RBFOX1: variants seen among roughly 807,000 people sequenced by gnomAD.
RBFOX1 encodes RNA binding protein fox-1 homolog 1.
A neutral mutation model predicts 57.7 loss-of-function variants in RBFOX1; 8 were observed. That is an observed-to-expected ratio of 0.14 (90% CI 0.08 to 0.25). RBFOX1 has a LOEUF of 0.25. RBFOX1 is among the 10% of genes least tolerant of loss of function. RBFOX1 has a pLI of 1.00. For missense variants in RBFOX1, 611 were observed against 548.5 expected, an observed-to-expected ratio of 1.11 and a Z score of -1.14; for synonymous variants, 326 against 222.4, an observed-to-expected ratio of 1.47 and a Z score of -4.15.
At chr16:7,672,982 T>C (rs1035433088) in intron 13 of RBFOX1, among the ~76,000 whole-genome samples, 5 of 151,696 alleles carry the variant, frequency 3.3e-5, no homozygotes, top group Admixed American at 1.3e-4. Context: ...TATGTGTATA[T>C]ACCAGCACAC....
chr16:6,530,754 TC>T (rs1397879853), intron 2 of RBFOX1, among the ~76,000 whole-genome samples: 8 of 150,736 alleles, frequency 5.3e-5, no homozygotes, highest in Non-Finnish European at 1.0e-4. Flanking sequence ...AACCGTCCCT[TC>T]CCCACCCCCA....
intron 5 of RBFOX1, among the ~76,000 whole-genome samples, chr16:7,533,304 A>G (rs1362559422): frequency 1.3e-5 from 2 of 152,222 alleles, no homozygotes; most frequent in African/African-American, 2.4e-5. Flanking sequence ...AAAATGAAAA[A>G]TGTGTTTGTG....
intron 3 of RBFOX1, among the ~76,000 whole-genome samples, chr16:5,832,454 A>C (rs996881950): frequency 6.6e-6 from 1 of 152,242 alleles, no homozygotes; most frequent in African/African-American, 2.4e-5. Context: ...CTTAGTTTCC[A>C]CAACATACAA....
At chr16:5,387,687 T>C (rs542521889) in intron 1 of RBFOX1, among the ~76,000 whole-genome samples, 108 of 152,316 alleles carry the variant, frequency 7.1e-4, no homozygotes, top group Non-Finnish European at 1.4e-3. Flanking sequence ...AAAGGTGGAA[T>C]GTTTCCCCGA....
chr16:5,820,945 C>T (rs190206767), intron 3 of RBFOX1, among the ~76,000 whole-genome samples: 5 of 152,302 alleles, frequency 3.3e-5, no homozygotes, highest in African/African-American at 7.2e-5. Flanking sequence ...GATCCCTCAT[C>T]ACAGTGCCCT....
chr16:6,242,379 A>T (rs999642299), intron 1 of RBFOX1, among the ~76,000 whole-genome samples: 13 of 151,818 alleles, frequency 8.6e-5, no homozygotes, highest in Middle Eastern at 3.4e-3. Context: ...TCTTTTTTTT[A>T]AAAAAAGTCT....
intron 1 of RBFOX1, among the ~76,000 whole-genome samples, chr16:6,156,890 A>C (rs2096842148): frequency 6.6e-6 from 1 of 152,158 alleles, no homozygotes; most frequent in Admixed American, 6.5e-5. Flanking sequence ...CCCAGACTGG[A>C]TGGCAGGGGC....
intron 4 of RBFOX1, among the ~76,000 whole-genome samples, chr16:7,122,960 G>A (rs1244995005): frequency 6.6e-6 from 1 of 152,022 alleles, no homozygotes. Context: ...CGATGACATA[G>A]TGTATAAATC....
intron 1 of RBFOX1, among the ~76,000 whole-genome samples, chr16:6,125,812 T>G (rs2096585455): frequency 6.6e-6 from 1 of 152,156 alleles, no homozygotes; most frequent in South Asian, 2.1e-4. Flanking sequence ...TGGTAGGCTA[T>G]TTTCCTCCCA....
chr16:6,710,017 C>A (rs980785441), intron 3 of RBFOX1, among the ~76,000 whole-genome samples: 2 of 152,106 alleles, frequency 1.3e-5, no homozygotes, highest in Non-Finnish European at 2.9e-5. Flanking sequence ...ACCTACTGAT[C>A]TGAAATATGC....
chr16:6,129,240 A>G (rs1015968689), intron 1 of RBFOX1, among the ~76,000 whole-genome samples: 1 of 152,180 alleles, frequency 6.6e-6, no homozygotes, highest in Admixed American at 6.5e-5. Flanking sequence ...CTTTAAAACC[A>G]CAATTGTAAA....
At chr16:6,561,444 A>C (rs1165010525) in intron 2 of RBFOX1, among the ~76,000 whole-genome samples, 2 of 152,220 alleles carry the variant, frequency 1.3e-5, no homozygotes, top group East Asian at 1.9e-4. Flanking sequence ...TTTACCCAAT[A>C]GGCTGTAACA....
At chr16:7,408,655 G>T (rs112657716) in intron 4 of RBFOX1, among the ~76,000 whole-genome samples, 2 of 152,218 alleles carry the variant, frequency 1.3e-5, no homozygotes, top group South Asian at 2.1e-4. Context: ...CCTACAGCAC[G>T]TTTCTCCACC....
chr16:6,153,957 G>A (rs73529963), intron 1 of RBFOX1, among the ~76,000 whole-genome samples: 4,428 of 152,260 alleles, frequency 0.029, 200 homozygotes, highest in African/African-American at 0.098. Context: ...ATCAAATACA[G>A]TATGTCAAGC....
intron 1 of RBFOX1, among the ~76,000 whole-genome samples, chr16:6,245,408 C>T (rs1013082321): frequency 1.3e-5 from 2 of 152,052 alleles, no homozygotes; most frequent in African/African-American, 2.4e-5. Context: ...ACCAATAATT[C>T]CAGTTTTCAT....
intron 4 of RBFOX1, among the ~76,000 whole-genome samples, chr16:6,008,393 G>A (rs561204685): frequency 6.6e-6 from 1 of 152,210 alleles, no homozygotes; most frequent in South Asian, 2.1e-4. Context: ...ATGCACATGG[G>A]CACGGCATGA....
At chr16:6,430,322 G>A (rs997668402) in intron 2 of RBFOX1, among the ~76,000 whole-genome samples, 3 of 152,072 alleles carry the variant, frequency 2.0e-5, no homozygotes, top group African/African-American at 4.8e-5. Flanking sequence ...GGATGTGGCC[G>A]GGGAATGACA....
chr16:5,737,000 T>A (rs1338236398), intron 3 of RBFOX1, among the ~76,000 whole-genome samples: 1 of 151,292 alleles, frequency 6.6e-6, no homozygotes, highest in Non-Finnish European at 1.5e-5. Context: ...TCTGTTTCAG[T>A]CTCATCCTCT....
At chr16:7,609,776 C>A (rs1222957588) in intron 10 of RBFOX1, among the ~76,000 whole-genome samples, 1 of 151,964 alleles carries the variant, frequency 6.6e-6, no homozygotes, top group Non-Finnish European at 1.5e-5. Context: ...AAATCGTGTT[C>A]TTTACAACCA....
Sources: allele counts gnomAD v4.1 joint callset (sites outside exome capture counted in the v4.1 genomes callset), GRCh38; gene constraint gnomAD v4.1.1; transcripts MANE v1.5; gene names NCBI Gene and HGNC (gene_info 2026-07-23, HGNC 2026-07-21).